The following MMP15 variants were observed in gnomAD, a reference collection of about 807,000 sequenced individuals.
The protein encoded by MMP15 is matrix metallopeptidase 15, also known as matrix metalloproteinase-15.
MMP15 carries 36 observed loss-of-function variants against 65.0 expected under a neutral mutation model. The ratio of observed to expected loss-of-function variants is 0.55; its 90% CI spans 0.42 to 0.73. The LOEUF is 0.73. MMP15 is among the 30% of genes least tolerant of loss of function. The probability of loss-of-function intolerance (pLI) is 0.00; values close to 1 mark genes in which losing one functional copy is unlikely to be tolerated. For synonymous variants in MMP15, 428 were observed against 410.2 expected (o/e 1.04, Z -0.52); for missense variants, 870 against 987.8 (o/e 0.88, Z 1.60).
chr16:58,038,132 T>C, intron 2 of MMP15, 134 bp from the exon 3 acceptor site: 1 of 1,222,984 alleles, frequency 8.2e-7, no homozygotes. Context: ...AAGTTGAAGC[T>C]GAGAGTCCCC....
chr16:58,038,203 G>A, intron 2 of MMP15, 63 bp from the exon 3 acceptor site: 2 of 1,590,074 alleles, frequency 1.3e-6, no homozygotes, highest in Non-Finnish European at 1.7e-6. Flanking sequence ...AAGTGGCAGT[G>A]CCAGAACAGG....
In MMP15 at chr16:58,039,952, A is replaced by G. The variant is rs1303414543; in HGVS notation, c.518A>G (p.Gln173Arg). 1 of 1,613,576 alleles carries G rather than the reference A, an allele frequency of 6.2e-7. No homozygotes were observed. The highest frequency in any genetic ancestry group is 8.5e-7 in the Non-Finnish European group (1 of 1,179,882). Reference protein sequence around the residue: ...AVRRAFRVWEQATPLVFQEVP... With the variant: ...AVRRAFRVWERATPLVFQEVP... ...CGCAGGGCCTTCCGCGTGTGGGAGC[A>G]GGCCACGCCCCTGGTCTTCCAGGAG... The change falls in exon 4 of 10, where the codon CAG (glutamine) becomes CGG (arginine). Residue 173 changes from glutamine (Q) to arginine (R), a missense_variant. Coordinates refer to ENST00000219271, the MANE Select transcript of MMP15 (RefSeq NM_002428.4).
At chr16:58,038,623 G>A (rs1959384585) in intron 3 of MMP15, among the ~76,000 whole-genome samples, 1 of 152,196 alleles carries the variant, frequency 6.6e-6, no homozygotes, top group Non-Finnish European at 1.5e-5. Context: ...GCAGGGGCTG[G>A]CCTCACTGGG....
At chr16:58,043,410 C>G (rs1296693110) in intron 8 of MMP15, 50 bp downstream of exon 8, 3 of 1,592,214 alleles carry the variant, frequency 1.9e-6, no homozygotes, top group Non-Finnish European at 2.6e-6. Context: ...TCTAGGCCCC[C>G]CTCAACCTCA....
rs149268908 is a variant in MMP15 at position 58,045,371 on chromosome 16, G to T, written c.1935G>T (p.Ala645=). ...TCTGCGTCCTGGGCCTCACCTACGC[G>T]CTGGTGCAGATGCAGCGCAAGGGTG... The part of the protein sequence containing the change: ...LLLCVLGLTY[A]LVQMQRKGAP... Residue 645 remains alanine, a synonymous_variant, in exon 10 of 10, where the codon GCG becomes GCT. Transcript: ENST00000219271. 2 of 1,595,154 alleles carry T rather than the reference G, an allele frequency of 1.3e-6. No homozygotes were observed. Among genetic ancestry groups the T allele is most frequent in the Non-Finnish European group, 1.7e-6 (2 of 1,173,152 alleles).
Position 58,045,012 on chromosome 16 carries a change from A to T in MMP15, c.1576A>T (p.Thr526Ser). The change falls in exon 10 of 10, where the codon ACC (threonine) becomes TCC (serine). Residue 526 changes from threonine (T) to serine (S), a missense_variant. Physicochemically the swap from Thr to Ser is moderately conservative, Grantham distance 58 (BLOSUM62 1). Coordinates refer to ENST00000219271, the MANE Select transcript of MMP15 (RefSeq NM_002428.4). The stretch of plus-strand genomic sequence containing the variant: ...TGGCCTCCTTGCCCCTGCAGCCTAC[A>T]CCTACTTCTACAAGGGCACCAAATA... ...GAFLSNDAAY[T>S]YFYKGTKYWK... The T allele has an allele frequency of 6.2e-7, 1 of 1,613,246 alleles. No homozygotes were observed. Among genetic ancestry groups the T allele is most frequent in the Non-Finnish European group, 8.5e-7 (1 of 1,179,962 alleles).
At chr16:58,037,357 G>T in intron 1 of MMP15, 115 bp from the exon 2 acceptor site, 1 of 1,358,810 alleles carries the variant, frequency 7.4e-7, no homozygotes, top group Non-Finnish European at 1.0e-6. Flanking sequence ...AGGAGGTGAT[G>T]ACGGCTCAGA....
intron 1 of MMP15, among the ~76,000 whole-genome samples, chr16:58,028,810 A>G (rs1015949522): frequency 6.6e-6 from 1 of 152,194 alleles, no homozygotes; most frequent in African/African-American, 2.4e-5. Flanking sequence ...CTAGGAACTG[A>G]CAAACACCTG....
intron 2 of MMP15, among the ~76,000 whole-genome samples, chr16:58,038,025 C>T (rs1459460327): frequency 1.3e-5 from 2 of 152,230 alleles, no homozygotes; most frequent in Non-Finnish European, 2.9e-5. Context: ...TGAGCGAACC[C>T]TCCATTACTG....
At position 58,042,233 on chromosome 16, in the gene MMP15, C is replaced by T. The variant is rs374566974; in HGVS notation, c.1167C>T (p.Gly389=). 5 of 1,613,250 alleles carry T rather than the reference C, an allele frequency of 3.1e-6. No individual in the cohort carries two copies. The East Asian group carries it at 6.7e-5, about 22-fold the overall frequency. ...MLRGEMFVFK[G]RWFWRVRHNR... ...CGCTCACACTATGCCCTCCCCAGGG[C>T]CGCTGGTTCTGGCGAGTCCGGCACA... Residue 389 remains glycine, a splice_region_variant and synonymous_variant, in exon 7 of 10, where the codon GGC becomes GGT. Transcript: ENST00000219271.
In MMP15 at chr16:58,041,803, G is replaced by A. The variant is rs1430913183; in HGVS notation, c.1097G>A (p.Gly366Asp). 7 of 1,612,194 alleles carry A rather than the reference G, an allele frequency of 4.3e-6. No homozygotes were observed. The highest frequency in any genetic ancestry group is 5.9e-6 in the Non-Finnish European group (7 of 1,179,312). ...PRATERPDQY[G>D]PNICDGDFDT... ...GCCACAGAGCGGCCCGACCAGTATG[G>A]CCCCAACATCTGCGACGGGGACTTT... Residue 366 changes from glycine (G) to aspartate (D), a missense_variant, in exon 6 of 10, where the codon GGC (glycine) becomes GAC (aspartate). Physicochemically the swap from Gly to Asp is moderately conservative, Grantham distance 94. Coordinates refer to ENST00000219271, the MANE Select transcript of MMP15 (RefSeq NM_002428.4).
At position 58,041,834 on chromosome 16, in the gene MMP15, A is replaced by C. The variant is rs779350767; in HGVS notation, c.1128A>C (p.Thr376=). The C allele has an allele frequency of 6.2e-7, 1 of 1,608,306 alleles. No individual in the cohort carries two copies. Among genetic ancestry groups the C allele is most frequent in the Non-Finnish European group, 8.5e-7 (1 of 1,177,690 alleles). The change falls in exon 6 of 10, where the codon ACA becomes ACC. Residue 376 remains threonine, a synonymous_variant. Coordinates refer to ENST00000219271, the MANE Select transcript of MMP15 (RefSeq NM_002428.4). ...GPNICDGDFD[T]VAMLRGEMFV... ...ACATCTGCGACGGGGACTTTGACAC[A>C]GTGGCCATGCTTCGCGGGGAGATGT... is the stretch of plus-strand genomic sequence containing the variant.
At chr16:58,029,007 C>T (rs548064818) in intron 1 of MMP15, among the ~76,000 whole-genome samples, 3 of 152,338 alleles carry the variant, frequency 2.0e-5, no homozygotes, top group Admixed American at 6.5e-5. Flanking sequence ...TCTCACCTGC[C>T]TCCCCCTACC....
Position 58,026,047 on chromosome 16 carries a change from G to A in MMP15, c.-304G>A, listed in dbSNP as rs1169149833. The A allele has an allele frequency of 1.8e-5, 5 of 275,438 alleles. No individual in the cohort carries two copies. The East Asian group carries it at 2.4e-4, about 13-fold the overall frequency. The allele number at this position is 275,438 out of a possible 1,614,324, so 17.1% of individuals were successfully genotyped here. A position where few individuals can be genotyped will look rare whatever the true frequency, so the allele number is the denominator to read the frequency against. On this transcript the variant is annotated 5_prime_UTR_variant, in exon 1 of 10. Transcript: ENST00000219271. ...AGCGCTGAGCCAGACAAAGGCTCCG[G>A]AGTTGCGCTTGCTCTCGGGAGCCGG...
In MMP15 at chr16:58,040,196, G is replaced by A. The variant is rs1284177242; in HGVS notation, c.748+14G>A. On this transcript the variant is annotated intron_variant, in intron 4 of 9. Coordinates refer to ENST00000219271, the MANE Select transcript of MMP15 (RefSeq NM_002428.4). ...CTGACCTGCATGGTGAGGACAGCTGGCCAGGGTGAGGGGCAGGGCAGGTGG... is the reference window on the plus strand; with the variant it reads ...CTGACCTGCATGGTGAGGACAGCTGACCAGGGTGAGGGGCAGGGCAGGTGG... The A allele has an allele frequency of 6.3e-7, 1 of 1,595,110 alleles. No homozygotes were observed. The highest frequency in any genetic ancestry group is 8.5e-7 in the Non-Finnish European group (1 of 1,171,056).
At position 58,041,556 on chromosome 16, in the gene MMP15, C is replaced by T. The variant is rs41469146; in HGVS notation, c.911-61C>T. ...GTGGGTGGGCCTGTGCTGGGGGCCC[C>T]GGGGCCCAGGGTTCTGAGTAGGAAC... On this transcript the variant is annotated intron_variant, in intron 5 of 9. Transcript: ENST00000219271. The T allele has an allele frequency of 3.2e-3, 4,979 of 1,544,926 alleles. 16 individuals carry two copies. Among genetic ancestry groups the T allele is most frequent in the Middle Eastern group, 0.011 (64 of 5,934 alleles).
Position 58,039,876 on chromosome 16 carries a change from A to G in MMP15, c.442A>G (p.Ile148Val). 2 of 1,595,060 alleles carry G rather than the reference A, an allele frequency of 1.3e-6. No homozygotes were observed. The highest frequency in any genetic ancestry group is 1.7e-6 in the Non-Finnish European group (2 of 1,166,524). The change falls in exon 4 of 10, where the codon ATC (isoleucine) becomes GTC (valine). Residue 148 changes from isoleucine to valine, a missense_variant and splice_region_variant. By Grantham distance (29) the Ile-to-Val change is conservative. Coordinates refer to ENST00000219271, the MANE Select transcript of MMP15 (RefSeq NM_002428.4). Reference sequence around the variant, plus strand: ...CACTCATCTCCCACCCACCCCCAGCATCCAGAACTACACGGAGAAGTTGGG... The same window carrying G: ...CACTCATCTCCCACCCACCCCCAGCGTCCAGAACTACACGGAGAAGTTGGG... Reference protein sequence around the residue: ...KWNNHHLTFSIQNYTEKLGWY... With the variant: ...KWNNHHLTFSVQNYTEKLGWY...
chr16:58,036,202 G>A (rs1159177128), intron 1 of MMP15, among the ~76,000 whole-genome samples: 1 of 152,182 alleles, frequency 6.6e-6, no homozygotes, highest in African/African-American at 2.4e-5. Flanking sequence ...CCAAGGTCCA[G>A]GGCAGCCCCT....
At chr16:58,043,865 C>T (rs1959502388) in intron 9 of MMP15, among the ~76,000 whole-genome samples, 1 of 152,230 alleles carries the variant, frequency 6.6e-6, no homozygotes, top group Non-Finnish European at 1.5e-5. Context: ...CAGAGTGCCC[C>T]AAATTCCACA....
Sources: gnomAD v4.1 joint callset for allele counts (sites outside exome capture counted in the v4.1 genomes callset) on GRCh38, gnomAD v4.1.1 for gene constraint, MANE v1.5 for transcripts, NCBI Gene and HGNC (gene_info 2026-07-23, HGNC 2026-07-21) for gene names.